Variants in TMEM131L observed in about 807,000 individuals in gnomAD.
The protein encoded by TMEM131L is transmembrane protein 131-like.
TMEM131L carries 54 observed loss-of-function variants against 192.2 expected under a neutral mutation model. The observed-to-expected ratio is 0.28, with a 90% CI of 0.23 to 0.35. The LOEUF is 0.35. TMEM131L is among the 10% of genes least tolerant of loss of function. The pLI is 1.00. For missense variants in TMEM131L, 1,888 were observed against 1,972.9 expected, an observed-to-expected ratio of 0.96 and a Z score of 0.82; for synonymous variants, 701 against 704.9, an observed-to-expected ratio of 0.99 and a Z score of 0.09.
chr4:153,573,913 T>C (rs1336639937), intron 7 of TMEM131L, among the ~76,000 whole-genome samples: 15 of 152,206 alleles, frequency 9.9e-5, no homozygotes, highest in Non-Finnish European at 2.9e-5. Flanking sequence ...AATAAATGCA[T>C]TAATTGTGAA....
intron 29 of TMEM131L, 21 bp from the exon 30 acceptor site, chr4:153,626,126 A>G (rs200672250): frequency 4.2e-5 from 64 of 1,529,406 alleles, no homozygotes; most frequent in Non-Finnish European, 5.5e-5. Flanking sequence ...AACTTGTGAT[A>G]ATGTGTTTCT....
At chr4:153,528,160 T>A (rs17030076) in intron 3 of TMEM131L, among the ~76,000 whole-genome samples, 7,849 of 152,276 alleles carry the variant, frequency 0.052, 472 homozygotes, top group African/African-American at 0.15. Context: ...GGTTTTGGCA[T>A]AATATAAAAC....
At chr4:153,578,504 C>T (rs1486852806) in intron 7 of TMEM131L, among the ~76,000 whole-genome samples, 10 of 150,782 alleles carry the variant, frequency 6.6e-5, no homozygotes, top group Admixed American at 2.6e-4. Flanking sequence ...TACAGGTGTG[C>T]GCCACTATGC....
intron 3 of TMEM131L, among the ~76,000 whole-genome samples, chr4:153,511,902 G>T (rs1734384780): frequency 6.6e-6 from 1 of 151,986 alleles, no homozygotes; most frequent in African/African-American, 2.4e-5. Context: ...CTTTAAAATT[G>T]TATTTAACTC....
At chr4:153,468,418 A>G (rs1730920392) in intron 2 of TMEM131L, among the ~76,000 whole-genome samples, 1 of 152,000 alleles carries the variant, frequency 6.6e-6, no homozygotes, top group Non-Finnish European at 1.5e-5. Context: ...TCCTTCTCCT[A>G]AAAATTTATT....
At chr4:153,621,354 A>T (rs1733396121) in intron 27 of TMEM131L, among the ~76,000 whole-genome samples, 1 of 152,180 alleles carries the variant, frequency 6.6e-6, no homozygotes. Flanking sequence ...TGCAGAAGGT[A>T]GGTTCTTACA....
At position 153,635,444 on chromosome 4, in the gene TMEM131L, A is replaced by G. The variant is rs141433555; in HGVS notation, c.4430A>G (p.Tyr1477Cys). 6.2e-7 allele frequency: 1 copy of G among 1,613,876 alleles called. No individual in the cohort carries two copies. The highest frequency in any genetic ancestry group is 1.3e-5 in the African/African-American group (1 of 74,936). ...CCATTCTTTGTAGAAAACATGAACT[A>G]TGCCAATGGCTTCCCCTGTCCTGCA... ...YNAFPEENMN[Y>C]ANGFPCPADV... The change falls in exon 34 of 35, where the codon TAT becomes TGT. Residue 1477 changes from tyrosine to cysteine, a missense_variant. By Grantham distance (194) the Tyr-to-Cys change is radical (BLOSUM62 -2). Coordinates refer to ENST00000409959, the MANE Select transcript of TMEM131L (RefSeq NM_001131007.2).
At position 153,582,435 on chromosome 4, in the gene TMEM131L, T is replaced by TG. The variant is rs1307386260; in HGVS notation, c.893-755_893-754insG. On this transcript the variant is annotated intron_variant, in intron 9 of 34. Coordinates refer to ENST00000409959, the MANE Select transcript of TMEM131L (RefSeq NM_001131007.2). ...AATTTAAACCGTTTTTTTTTGTTGTTTTTTTTTTTTTTTTTTTTTTTTTTG... is the reference window on the plus strand; with the variant it reads ...AATTTAAACCGTTTTTTTTTGTTGTTGTTTTTTTTTTTTTTTTTTTTTTTTG... 5.9e-4 allele frequency among the ~76,000 whole-genome samples: 74 copies of TG among 124,638 alleles called. 1 individual carries two copies. Among genetic ancestry groups the TG allele is most frequent in the African/African-American group, 1.3e-3 (41 of 31,018 alleles). 81.8% of individuals were successfully genotyped at this position (124,638 alleles called of 152,430 possible).
chr4:153,518,829 G>C (rs764459985), intron 3 of TMEM131L, among the ~76,000 whole-genome samples: 4 of 152,126 alleles, frequency 2.6e-5, no homozygotes, highest in Non-Finnish European at 5.9e-5. Flanking sequence ...TTGTGACTCC[G>C]GGGGACACGT....
intron 7 of TMEM131L, among the ~76,000 whole-genome samples, chr4:153,578,009 A>G (rs1375228682): frequency 6.6e-6 from 1 of 152,204 alleles, no homozygotes; most frequent in African/African-American, 2.4e-5. Context: ...AGCATCCAGC[A>G]TAACTCAGTG....
intron 25 of TMEM131L, among the ~76,000 whole-genome samples, chr4:153,610,543 C>T (rs1323775094): frequency 6.6e-6 from 1 of 152,138 alleles, no homozygotes; most frequent in Non-Finnish European, 1.5e-5. Flanking sequence ...ACCGTAAAAG[C>T]CTGCATTACT....
chr4:153,556,597 C>G (rs1377717653), intron 5 of TMEM131L, among the ~76,000 whole-genome samples: 2 of 152,034 alleles, frequency 1.3e-5, no homozygotes, highest in African/African-American at 2.4e-5. Flanking sequence ...AACGTTGTTC[C>G]TGATTTTTAT....
chr4:153,535,908 C>G (rs1283302392), intron 3 of TMEM131L, among the ~76,000 whole-genome samples: 5 of 151,998 alleles, frequency 3.3e-5, no homozygotes, highest in African/African-American at 1.2e-4. Flanking sequence ...TTACTTGTCA[C>G]GGCAACGGCA....
intron 28 of TMEM131L, 59 bp from the exon 29 acceptor site, chr4:153,622,839 A>T: frequency 6.5e-7 from 1 of 1,548,730 alleles, no homozygotes; most frequent in Non-Finnish European, 8.9e-7. Context: ...TCTTTCTGTT[A>T]GAAATGCATG....
intron 7 of TMEM131L, among the ~76,000 whole-genome samples, chr4:153,559,176 A>G (rs2150494638): frequency 6.6e-6 from 1 of 152,308 alleles, no homozygotes; most frequent in Admixed American, 6.5e-5. Flanking sequence ...ATCTGCGTAG[A>G]GCCTACATTC....
intron 2 of TMEM131L, among the ~76,000 whole-genome samples, chr4:153,470,008 G>C (rs1240060692): frequency 6.6e-6 from 1 of 151,176 alleles, no homozygotes; most frequent in African/African-American, 2.4e-5. Context: ...TTATTTTGGA[G>C]ATGTCTCCTG....
Position 153,583,691 on chromosome 4 carries a change from A to T in TMEM131L, c.1060+19A>T, listed in dbSNP as rs774251099. 1 of 1,383,500 alleles carries T rather than the reference A, an allele frequency of 7.2e-7. No homozygotes were observed. The highest frequency in any genetic ancestry group is 1.0e-6 in the Non-Finnish European group (1 of 984,014). The allele number at this position is 1,383,500 out of a possible 1,614,324, so 85.7% of individuals were successfully genotyped here. ...TGCAAAGGTACAGATTTTTAAACAG[A>T]TTGTCATTTGACTTTTGTTATCTGG... On this transcript the variant is annotated intron_variant, in intron 11 of 34. Transcript: ENST00000409959.
Position 153,636,345 on chromosome 4 carries a change from T to C in TMEM131L, c.4602T>C (p.Leu1534=), listed in dbSNP as rs776646877. 2.2e-5 allele frequency: 36 copies of C among 1,614,210 alleles called. 1 individual carries two copies. In the Admixed American group the frequency reaches 6.0e-4, roughly 27 times the overall value. Reference sequence around the variant, plus strand: ...GAAGCTTGTCTCCAATGTCTGGACTTTTTGGTTCCATCTGGGCCCCGCAAA... The same window carrying C: ...GAAGCTTGTCTCCAATGTCTGGACTCTTTGGTTCCATCTGGGCCCCGCAAA... ...STRSLSPMSG[L]FGSIWAPQSD... Residue 1534 remains leucine, a synonymous_variant, in exon 35 of 35, where the codon CTT becomes CTC. Transcript: ENST00000409959.
Position 153,603,811 on chromosome 4 carries a change from C to G in TMEM131L, c.2799C>G (p.Cys933Trp). 1.3e-6 allele frequency: 2 copies of G among 1,576,080 alleles called. No individual in the cohort carries two copies. The highest frequency in any genetic ancestry group is 2.2e-5 in the East Asian group (1 of 44,624). Reference protein sequence around the residue: ...VISPHSYKSNCKNFLDTYGPS... With the variant: ...VISPHSYKSNWKNFLDTYGPS... Reference sequence around the variant, plus strand: ...TTCTTCTTAAATTCAGAAGCAATTGCAAGAACTTTCTCGATACATATGGCC... The same window carrying G: ...TTCTTCTTAAATTCAGAAGCAATTGGAAGAACTTTCTCGATACATATGGCC... Residue 933 changes from cysteine to tryptophan, a missense_variant, in exon 25 of 35, where the codon TGC becomes TGG. Physicochemically the swap from Cys to Trp is radical, Grantham distance 215. Coordinates refer to ENST00000409959, the MANE Select transcript of TMEM131L (RefSeq NM_001131007.2).
Sources: allele counts gnomAD v4.1 joint callset (sites outside exome capture counted in the v4.1 genomes callset), GRCh38; gene constraint gnomAD v4.1.1; transcripts MANE v1.5; gene names NCBI Gene and HGNC (gene_info 2026-07-23, HGNC 2026-07-21).